NR1H4: variants seen among roughly 807,000 people sequenced by gnomAD.
NR1H4 encodes nuclear receptor subfamily 1 group H member 4, also known as bile acid receptor.
NR1H4 carries 23 observed loss-of-function variants against 58.5 expected under a neutral mutation model. That is an observed-to-expected ratio of 0.39 (90% CI 0.28 to 0.56). NR1H4 has a LOEUF of 0.56. Ranked by LOEUF, NR1H4 falls within the 20% of genes least tolerant of loss-of-function variation. NR1H4 has a pLI of 0.58. For missense variants in NR1H4, 487 were observed against 576.9 expected, an observed-to-expected ratio of 0.84 and a Z score of 1.60; for synonymous variants, 214 against 198.0, an observed-to-expected ratio of 1.08 and a Z score of -0.68.
chr12:100,504,270 CT>C (rs1953906434), intron 3 of NR1H4, among the ~76,000 whole-genome samples: 1 of 152,078 alleles, frequency 6.6e-6, no homozygotes, highest in South Asian at 2.1e-4. Flanking sequence ...AGAAATTCAT[CT>C]TTTAAATTTC....
chr12:100,478,457 A>C (rs1953314726), intron 1 of NR1H4, among the ~76,000 whole-genome samples: 1 of 152,216 alleles, frequency 6.6e-6, no homozygotes, highest in African/African-American at 2.4e-5. Context: ...GGCAAAGTTG[A>C]GGACAGGAAA....
intron 8 of NR1H4, among the ~76,000 whole-genome samples, chr12:100,537,952 G>A (rs1954850875): frequency 6.6e-6 from 1 of 152,198 alleles, no homozygotes; most frequent in Non-Finnish European, 1.5e-5. Context: ...GACCTCAAGT[G>A]AGCTGCCCGA....
rs772649147 is a variant in NR1H4 at position 100,510,887 on chromosome 12, G to A, written c.189G>A (p.Ser63=). 28 of 1,613,944 alleles carry A rather than the reference G, an allele frequency of 1.7e-5. No individual in the cohort carries two copies. The highest frequency in any genetic ancestry group is 3.3e-5 in the South Asian group (3 of 91,082). ...CCCAAGTTCAACCACAGATTTCCTC[G>A]TCATCCTATTATTCCAACCTGGGTT... ...QFPQVQPQIS[S]SSYYSNLGFY... The change falls in exon 4 of 11, where the codon TCG becomes TCA. Residue 63 remains serine, a synonymous_variant. Coordinates refer to ENST00000392986, the MANE Select transcript of NR1H4 (RefSeq NM_001206979.2).
intron 4 of NR1H4, among the ~76,000 whole-genome samples, chr12:100,520,871 G>T (rs960143745): frequency 6.6e-6 from 1 of 152,196 alleles, no homozygotes; most frequent in Non-Finnish European, 1.5e-5. Flanking sequence ...AATAGGATGT[G>T]CACTAGACTA....
intron 1 of NR1H4, among the ~76,000 whole-genome samples, chr12:100,488,502 A>G (rs1431152298): frequency 6.6e-6 from 1 of 152,248 alleles, no homozygotes; most frequent in African/African-American, 2.4e-5. Flanking sequence ...TTAAAATCTT[A>G]AAGTCATTAG....
chr12:100,544,695 A>G (rs933787695), intron 9 of NR1H4, among the ~76,000 whole-genome samples: 3 of 152,126 alleles, frequency 2.0e-5, no homozygotes, highest in Admixed American at 6.6e-5. Flanking sequence ...GAATAACGAA[A>G]AAAATGAATG....
intron 1 of NR1H4, among the ~76,000 whole-genome samples, chr12:100,479,617 G>A (rs1953337884): frequency 6.6e-6 from 1 of 152,140 alleles, no homozygotes; most frequent in Non-Finnish European, 1.5e-5. Context: ...AACCCTCCAC[G>A]CTCAGAAAGA....
intron 4 of NR1H4, among the ~76,000 whole-genome samples, chr12:100,511,571 TTTAG>T (rs1176278673): frequency 2.0e-5 from 3 of 152,152 alleles, no homozygotes; most frequent in South Asian, 2.1e-4. Context: ...TTTCATGTAC[TTTAG>T]TTAATTGAGA....
intron 8 of NR1H4, among the ~76,000 whole-genome samples, chr12:100,538,820 G>A (rs1254626484): frequency 6.6e-6 from 1 of 152,134 alleles, no homozygotes; most frequent in Non-Finnish European, 1.5e-5. Context: ...AAAGTGTGAG[G>A]AGAAATTTCT....
chr12:100,523,412 T>A lies in NR1H4; in HGVS notation c.446-9046T>A, dbSNP rs1954477379. 2.6e-5 allele frequency among the ~76,000 whole-genome samples: 4 copies of A among 152,164 alleles called. No homozygotes were observed. In the South Asian group the frequency reaches 8.3e-4, roughly 32 times the overall value. On this transcript the variant is annotated intron_variant, in intron 4 of 10. Transcript: ENST00000392986. ...CTTTTTGATGAGATTACTTGATTTT[T>A]CCCTTGCTGATTTATTGAGTTTCTT...
intron 9 of NR1H4, among the ~76,000 whole-genome samples, chr12:100,553,720 A>G (rs1335505373): frequency 6.6e-6 from 1 of 152,216 alleles, no homozygotes; most frequent in African/African-American, 2.4e-5. Context: ...ACACAGATCC[A>G]TCTCATCTTT....
chr12:100,547,391 A>G (rs1199617067), intron 9 of NR1H4, among the ~76,000 whole-genome samples: 1 of 152,086 alleles, frequency 6.6e-6, no homozygotes, highest in Non-Finnish European at 1.5e-5. Context: ...ATGGCTCCCT[A>G]CCATTTTGGT....
chr12:100,562,158 A>C (rs531515174), intron 10 of NR1H4, among the ~76,000 whole-genome samples, 160 bp downstream of exon 10: 1 of 152,314 alleles, frequency 6.6e-6, no homozygotes, highest in African/African-American at 2.4e-5. Flanking sequence ...CTTTCAGTGC[A>C]CTTCTTTTCA....
At chr12:100,508,595 G>A (rs758156236) in intron 3 of NR1H4, among the ~76,000 whole-genome samples, 2 of 152,066 alleles carry the variant, frequency 1.3e-5, no homozygotes, top group Non-Finnish European at 2.9e-5. Flanking sequence ...GTGCCTCATG[G>A]TACTCATTTG....
At chr12:100,505,545 C>G in intron 3 of NR1H4, 2 of 698,928 alleles carry the variant, frequency 2.9e-6, no homozygotes, top group Non-Finnish European at 5.2e-6. Flanking sequence ...TGGAGACTGT[C>G]TAACCAGAAG....
chr12:100,535,063 C>T (rs1160274923), intron 6 of NR1H4, 40 bp downstream of exon 6: 1 of 1,613,468 alleles, frequency 6.2e-7, no homozygotes, highest in Non-Finnish European at 8.5e-7. Flanking sequence ...CTGGCAGGAA[C>T]TGAGTTTCTA....
chr12:100,537,115 C>A, intron 8 of NR1H4, 68 bp downstream of exon 8: 2 of 954,296 alleles, frequency 2.1e-6, no homozygotes, highest in African/African-American at 1.6e-5. Flanking sequence ...ATTAGATTAC[C>A]TATTTTACAT....
chr12:100,525,991 G>A (rs1381072656), intron 4 of NR1H4, among the ~76,000 whole-genome samples: 2 of 151,988 alleles, frequency 1.3e-5, no homozygotes, highest in Non-Finnish European at 2.9e-5. Context: ...TCTGATATTG[G>A]TAATTTGTGT....
At chr12:100,498,023 A>C (rs1953752678) in intron 3 of NR1H4, among the ~76,000 whole-genome samples, 1 of 152,180 alleles carries the variant, frequency 6.6e-6, no homozygotes, top group South Asian at 2.1e-4. Context: ...CTGGGAATGG[A>C]AATAAGGAAT....
Sources: gnomAD v4.1 joint callset for allele counts (sites outside exome capture counted in the v4.1 genomes callset) on GRCh38, gnomAD v4.1.1 for gene constraint, MANE v1.5 for transcripts, NCBI Gene and HGNC (gene_info 2026-07-23, HGNC 2026-07-21) for gene names.